SLC30A9: variants seen among roughly 807,000 people sequenced by gnomAD.
The protein encoded by SLC30A9 is proton-coupled zinc antiporter SLC30A9, mitochondrial.
A neutral mutation model predicts 87.5 loss-of-function variants in SLC30A9; 58 were observed. That is an observed-to-expected ratio of 0.66 (90% CI 0.54 to 0.82). SLC30A9 has a LOEUF of 0.82. SLC30A9 is among the 40% of genes least tolerant of loss of function. The probability of loss-of-function intolerance (pLI) is 0.00; values close to 1 mark genes in which losing one functional copy is unlikely to be tolerated. For missense variants in SLC30A9, 557 were observed against 679.1 expected (o/e 0.82, Z 2.00); for synonymous variants, 234 against 233.0 (o/e 1.00, Z -0.04).
intron 3 of SLC30A9, chr4:42,018,473 C>T: frequency 2.5e-6 from 3 of 1,192,572 alleles, no homozygotes; most frequent in South Asian, 1.6e-5. Context: ...ACAAGAGGCC[C>T]ACACTTTTCA....
intron 15 of SLC30A9, among the ~76,000 whole-genome samples, chr4:42,075,037 A>T: frequency 1.2e-4 from 1 of 8,084 alleles, no homozygotes; most frequent in Non-Finnish European, 2.8e-4. Context: ...ATATATATAT[A>T]TATATATATA....
intron 6 of SLC30A9, among the ~76,000 whole-genome samples, chr4:42,026,726 T>G (rs962670179): frequency 4.0e-4 from 11 of 27,412 alleles, no homozygotes; most frequent in Admixed American, 2.0e-3. Context: ...TTTTTTTTTC[T>G]TTTCATCTTC....
chr4:42,059,463 A>G (rs1717758186), intron 9 of SLC30A9, among the ~76,000 whole-genome samples: 1 of 152,174 alleles, frequency 6.6e-6, no homozygotes, highest in Non-Finnish European at 1.5e-5. Flanking sequence ...GAAGGAAGAA[A>G]TGATGAAGGC....
intron 9 of SLC30A9, among the ~76,000 whole-genome samples, chr4:42,056,582 G>T (rs992451960): frequency 2.0e-5 from 3 of 152,150 alleles, no homozygotes; most frequent in African/African-American, 7.2e-5. Context: ...TTCAAGATGA[G>T]ATTTGGGTGG....
At chr4:42,000,243 G>C (rs2153132787) in intron 1 of SLC30A9, among the ~76,000 whole-genome samples, 1 of 145,830 alleles carries the variant, frequency 6.9e-6, no homozygotes, top group South Asian at 2.2e-4. Context: ...TGAAAAAAAA[G>C]TTAGTGGCAT....
intron 6 of SLC30A9, among the ~76,000 whole-genome samples, chr4:42,032,589 T>C (rs1235953322): frequency 6.6e-6 from 1 of 151,938 alleles, no homozygotes; most frequent in Non-Finnish European, 1.5e-5. Flanking sequence ...AGAAAAGGGA[T>C]GGAGGGAGTT....
intron 1 of SLC30A9, among the ~76,000 whole-genome samples, chr4:41,999,886 A>T (rs929273814): frequency 6.6e-6 from 1 of 152,058 alleles, no homozygotes; most frequent in Non-Finnish European, 1.5e-5. Context: ...GTTGTGTTAA[A>T]GTTTTTGTCT....
chr4:42,084,978 A>G (rs1379041505), intron 17 of SLC30A9, among the ~76,000 whole-genome samples: 1 of 152,212 alleles, frequency 6.6e-6, no homozygotes, highest in Non-Finnish European at 1.5e-5. Flanking sequence ...GTAATAGTAG[A>G]CAGTATTGGT....
intron 7 of SLC30A9, among the ~76,000 whole-genome samples, chr4:42,036,038 C>T (rs1168055793): frequency 2.6e-5 from 4 of 152,184 alleles, no homozygotes; most frequent in Admixed American, 1.3e-4. Flanking sequence ...GAAAATTACA[C>T]AGCCAGTGTG....
chr4:42,028,346 C>T (rs1253413133), intron 6 of SLC30A9, among the ~76,000 whole-genome samples: 1 of 152,182 alleles, frequency 6.6e-6, no homozygotes, highest in Non-Finnish European at 1.5e-5. Context: ...GTCTCCATCT[C>T]CTGATCTTGT....
intron 1 of SLC30A9, among the ~76,000 whole-genome samples, chr4:41,999,402 T>C (rs59196338): frequency 0.048 from 7,336 of 152,284 alleles, 249 homozygotes; most frequent in African/African-American, 0.077. Flanking sequence ...TAAATGATTC[T>C]AAGCATTGAA....
rs1315964553 is a variant in SLC30A9 at position 42,004,313 on chromosome 4, T to G, written c.274+2533T>G. On this transcript the variant is annotated intron_variant, in intron 2 of 17. Transcript: ENST00000264451. ...CTAGGTATGTATTTCTTTGTATTTATTCTACTTGAGATTTGTTGGGCTTCC... is the reference window on the plus strand; with the variant it reads ...CTAGGTATGTATTTCTTTGTATTTAGTCTACTTGAGATTTGTTGGGCTTCC... 3.3e-5 allele frequency among the ~76,000 whole-genome samples: 5 copies of G among 152,342 alleles called. No individual in the cohort carries two copies. In the East Asian group the frequency reaches 5.8e-4, roughly 18 times the overall value.
At chr4:42,030,521 A>T (rs555953432) in intron 6 of SLC30A9, among the ~76,000 whole-genome samples, 1 of 149,938 alleles carries the variant, frequency 6.7e-6, no homozygotes, top group Non-Finnish European at 1.5e-5. Flanking sequence ...TTTGTACTTT[A>T]TGTGAGCAGG....
chr4:42,068,357 C>T (rs1299047314), intron 14 of SLC30A9, among the ~76,000 whole-genome samples: 2 of 152,154 alleles, frequency 1.3e-5, no homozygotes, highest in East Asian at 1.9e-4. Flanking sequence ...AATTCTCCTG[C>T]CTCAGCCTCC....
intron 17 of SLC30A9, among the ~76,000 whole-genome samples, chr4:42,083,784 T>G (rs1258097924): frequency 6.6e-6 from 1 of 152,182 alleles, no homozygotes; most frequent in Non-Finnish European, 1.5e-5. Context: ...TTTTTAATTC[T>G]ATATTGAGTT....
intron 17 of SLC30A9, among the ~76,000 whole-genome samples, chr4:42,085,153 TTG>T (rs1302734176): frequency 6.6e-6 from 1 of 152,216 alleles, no homozygotes; most frequent in Non-Finnish European, 1.5e-5. Flanking sequence ...TTTGCTGATG[TTG>T]TGTTTTCTGT....
chr4:42,070,462 C>T (rs1033728752), intron 14 of SLC30A9, 64 bp from the exon 15 acceptor site: 2 of 1,324,564 alleles, frequency 1.5e-6, no homozygotes, highest in Non-Finnish European at 2.1e-6. Context: ...TCTTTGCTCT[C>T]TATAAAGTTC....
At chr4:42,008,668 G>T (rs1327357151) in intron 2 of SLC30A9, among the ~76,000 whole-genome samples, 1 of 152,188 alleles carries the variant, frequency 6.6e-6, no homozygotes, top group Non-Finnish European at 1.5e-5. Flanking sequence ...AGAAGGAGTG[G>T]CTGGAGAAAA....
chr4:41,994,536 G>A (rs1340485809), intron 1 of SLC30A9, among the ~76,000 whole-genome samples: 1 of 151,394 alleles, frequency 6.6e-6, no homozygotes, highest in Non-Finnish European at 1.5e-5. Context: ...ATAGAAAATA[G>A]AAATCAAACA....
Sources: allele counts gnomAD v4.1 joint callset (sites outside exome capture counted in the v4.1 genomes callset), GRCh38; gene constraint gnomAD v4.1.1; transcripts MANE v1.5; gene names NCBI Gene and HGNC (gene_info 2026-07-23, HGNC 2026-07-21).